PCDH9: variants seen among roughly 807,000 people sequenced by gnomAD.
PCDH9 encodes the protein protocadherin-9.
A neutral mutation model predicts 70.6 loss-of-function variants in PCDH9; 24 were observed. The observed-to-expected ratio is 0.34, with a 90% CI of 0.25 to 0.48. The LOEUF (loss-of-function observed/expected upper bound fraction) is 0.48, where lower values mean the gene tolerates loss of function less well. Among genes scored for constraint, PCDH9 ranks in the 20% least tolerant of loss-of-function variants. PCDH9 has a pLI of 0.99. For synonymous variants in PCDH9, 562 were observed against 558.5 expected, an observed-to-expected ratio of 1.01 and a Z score of -0.09; for missense variants, 1,281 against 1,503.6, an observed-to-expected ratio of 0.85 and a Z score of 2.45.
At chr13:66,688,456 G>C (rs1324904750) in intron 3 of PCDH9, among the ~76,000 whole-genome samples, 2 of 152,052 alleles carry the variant, frequency 1.3e-5, no homozygotes, top group Non-Finnish European at 2.9e-5. Flanking sequence ...AATTTTTAAA[G>C]AAAACTTAAT....
chr13:66,469,738 C>T (rs1958581438), intron 4 of PCDH9, among the ~76,000 whole-genome samples: 1 of 152,178 alleles, frequency 6.6e-6, no homozygotes, highest in African/African-American at 2.4e-5. Flanking sequence ...CTTATTTGTA[C>T]ATAAAGCTAC....
intron 2 of PCDH9, among the ~76,000 whole-genome samples, chr13:67,091,913 T>C (rs1269901785): frequency 6.6e-6 from 1 of 152,186 alleles, no homozygotes; most frequent in South Asian, 2.1e-4. Flanking sequence ...GGATTATTTA[T>C]TATTTACTAA....
At chr13:66,516,094 CTTTT>C (rs1276504866) in intron 4 of PCDH9, among the ~76,000 whole-genome samples, 1 of 151,916 alleles carries the variant, frequency 6.6e-6, no homozygotes, top group Non-Finnish European at 1.5e-5. Context: ...TCCCATCTAA[CTTTT>C]TTTGTTAATT....
chr13:66,993,039 A>G (rs967630716), intron 2 of PCDH9, among the ~76,000 whole-genome samples: 4 of 152,178 alleles, frequency 2.6e-5, no homozygotes, highest in African/African-American at 9.7e-5. Context: ...TAAATTTCCC[A>G]TGAAATGAAC....
chr13:66,596,022 T>C (rs2077098421), intron 4 of PCDH9, among the ~76,000 whole-genome samples: 1 of 151,680 alleles, frequency 6.6e-6, no homozygotes, highest in Admixed American at 6.6e-5. Context: ...GAAATATTCA[T>C]TTTTAATCAA....
chr13:66,902,168 A>G (rs2082286591), intron 3 of PCDH9, among the ~76,000 whole-genome samples: 2 of 151,700 alleles, frequency 1.3e-5, no homozygotes, highest in Non-Finnish European at 3.0e-5. Context: ...TCAATGTTCA[A>G]GAGATTTAGG....
At chr13:67,035,243 T>A (rs984536188) in intron 2 of PCDH9, among the ~76,000 whole-genome samples, 1 of 152,156 alleles carries the variant, frequency 6.6e-6, no homozygotes, top group African/African-American at 2.4e-5. Context: ...AGGGCATGTG[T>A]CTCTTGTCAA....
intron 3 of PCDH9, among the ~76,000 whole-genome samples, chr13:66,837,827 T>C (rs2081047600): frequency 6.6e-6 from 1 of 152,024 alleles, no homozygotes; most frequent in South Asian, 2.1e-4. Flanking sequence ...ATAAAAGCAC[T>C]CCCCAGGCAA....
At chr13:66,958,054 A>G (rs1156851432) in intron 2 of PCDH9, among the ~76,000 whole-genome samples, 1 of 152,224 alleles carries the variant, frequency 6.6e-6, no homozygotes, top group Non-Finnish European at 1.5e-5. Context: ...GAGAAATATG[A>G]TTGACATGTA....
At chr13:66,690,311 G>A (rs1167406243) in intron 3 of PCDH9, among the ~76,000 whole-genome samples, 1 of 152,034 alleles carries the variant, frequency 6.6e-6, no homozygotes, top group Non-Finnish European at 1.5e-5. Context: ...GGCAAATATA[G>A]AATTGTCTAA....
chr13:66,331,468 T>C (rs1955940620), intron 4 of PCDH9, among the ~76,000 whole-genome samples: 1 of 152,292 alleles, frequency 6.6e-6, no homozygotes, highest in Non-Finnish European at 1.5e-5. Context: ...AAATTTCTCA[T>C]TGGGCCTATC....
chr13:66,789,914 C>A (rs2080137740), intron 3 of PCDH9, among the ~76,000 whole-genome samples: 1 of 152,102 alleles, frequency 6.6e-6, no homozygotes, highest in Non-Finnish European at 1.5e-5. Flanking sequence ...GCAAAAAATT[C>A]TGTCTATTTG....
At chr13:67,127,263 G>C (rs1415442915) in intron 2 of PCDH9, among the ~76,000 whole-genome samples, 1 of 152,134 alleles carries the variant, frequency 6.6e-6, no homozygotes, top group African/African-American at 2.4e-5. Context: ...CAGGTGGACT[G>C]GGTGTTCTTT....
intron 2 of PCDH9, among the ~76,000 whole-genome samples, chr13:67,002,473 CTG>C (rs1201628875): frequency 6.6e-6 from 1 of 151,374 alleles, no homozygotes; most frequent in Non-Finnish European, 1.5e-5. Context: ...TTTATTAAGT[CTG>C]TCCTAAAAGT....
chr13:66,748,217 C>A (rs1333385005), intron 3 of PCDH9, among the ~76,000 whole-genome samples: 1 of 152,064 alleles, frequency 6.6e-6, no homozygotes, highest in African/African-American at 2.4e-5. Context: ...ATATCAAAAA[C>A]CAAAATCAAT....
At chr13:66,841,626 T>C (rs1021397333) in intron 3 of PCDH9, among the ~76,000 whole-genome samples, 10 of 152,334 alleles carry the variant, frequency 6.6e-5, no homozygotes, top group African/African-American at 2.4e-4. Flanking sequence ...TATAACCCAT[T>C]CCATCCACTT....
intron 3 of PCDH9, among the ~76,000 whole-genome samples, chr13:66,636,038 T>C (rs1593815636): frequency 1.3e-5 from 2 of 152,162 alleles, no homozygotes; most frequent in East Asian, 3.8e-4. Flanking sequence ...ATCAAGTTAG[T>C]AAATATTTTG....
chr13:66,380,787 C>G (rs1211598006), intron 4 of PCDH9, among the ~76,000 whole-genome samples: 1 of 152,166 alleles, frequency 6.6e-6, no homozygotes, highest in Non-Finnish European at 1.5e-5. Flanking sequence ...TCGTGATCCA[C>G]CCGCCTCGGC....
At chr13:67,026,964 A>G (rs2084794898) in intron 2 of PCDH9, among the ~76,000 whole-genome samples, 1 of 152,232 alleles carries the variant, frequency 6.6e-6, no homozygotes, top group African/African-American at 2.4e-5. Flanking sequence ...AGGAAGAATC[A>G]ATATCGTGAA....
Sources: gnomAD v4.1 joint callset for allele counts (sites outside exome capture counted in the v4.1 genomes callset) on GRCh38, gnomAD v4.1.1 for gene constraint, MANE v1.5 for transcripts, NCBI Gene and HGNC (gene_info 2026-07-23, HGNC 2026-07-21) for gene names.